The following RARB variants were observed in gnomAD, a reference collection of about 807,000 sequenced individuals.
RARB encodes HBV-activated protein.
A neutral mutation model predicts 51.9 loss-of-function variants in RARB; 17 were observed. That is an observed-to-expected ratio of 0.33 (90% CI 0.22 to 0.49). The LOEUF (loss-of-function observed/expected upper bound fraction) is 0.49, where lower values mean the gene tolerates loss of function less well. Ranked by LOEUF, RARB falls within the 20% of genes least tolerant of loss-of-function variation. The probability of loss-of-function intolerance (pLI) is 0.99; values close to 1 mark genes in which losing one functional copy is unlikely to be tolerated. For missense variants in RARB, 369 were observed against 550.8 expected (o/e 0.67, Z 3.30); for synonymous variants, 215 against 195.4 (o/e 1.10, Z -0.84).
At chr3:25,136,547 G>T (rs1210518791) in intron 4 of RARB, among the ~76,000 whole-genome samples, 1 of 152,016 alleles carries the variant, frequency 6.6e-6, no homozygotes, top group East Asian at 1.9e-4. Context: ...ATGACTAGAT[G>T]AATAACTTCA....
At chr3:25,200,461 T>C (rs1029741940) in intron 5 of RARB, among the ~76,000 whole-genome samples, 7 of 152,196 alleles carry the variant, frequency 4.6e-5, no homozygotes, top group African/African-American at 1.4e-4. Flanking sequence ...ATCCCATTTG[T>C]CAATTTTGGC....
At chr3:24,862,975 A>T (rs563152229) in intron 2 of RARB, among the ~76,000 whole-genome samples, 3 of 152,336 alleles carry the variant, frequency 2.0e-5, no homozygotes, top group Admixed American at 1.3e-4. Flanking sequence ...TTGAAGTACC[A>T]GGAGGACTTG....
chr3:25,226,254 A>G (rs1210285366), intron 5 of RARB, among the ~76,000 whole-genome samples: 3 of 152,214 alleles, frequency 2.0e-5, no homozygotes, highest in Non-Finnish European at 2.9e-5. Flanking sequence ...TCAATATTAC[A>G]GTATTGAAGT....
chr3:24,888,161 C>G (rs1476504798), intron 2 of RARB, among the ~76,000 whole-genome samples: 1 of 152,118 alleles, frequency 6.6e-6, no homozygotes, highest in Non-Finnish European at 1.5e-5. Context: ...TTTCACATAT[C>G]CTGAAACCCA....
chr3:25,210,026 T>C (rs187377436), intron 5 of RARB, among the ~76,000 whole-genome samples: 1 of 152,200 alleles, frequency 6.6e-6, no homozygotes, highest in African/African-American at 2.4e-5. Context: ...CCACAAGACA[T>C]TCTCAGGTGT....
At chr3:24,896,110 A>G (rs1427840125) in intron 2 of RARB, among the ~76,000 whole-genome samples, 1 of 152,226 alleles carries the variant, frequency 6.6e-6, no homozygotes, top group African/African-American at 2.4e-5. Flanking sequence ...AGTCAGACCC[A>G]AAAGGAAAAT....
chr3:25,471,720 C>T (rs1695706722), intron 2 of RARB, among the ~76,000 whole-genome samples: 1 of 151,134 alleles, frequency 6.6e-6, no homozygotes, highest in Admixed American at 6.6e-5. Flanking sequence ...GCTTACTTTG[C>T]TTGTTGTTTG....
intron 3 of RARB, among the ~76,000 whole-genome samples, chr3:25,506,381 G>A (rs575658823): frequency 6.6e-6 from 1 of 152,226 alleles, no homozygotes; most frequent in East Asian, 1.9e-4. Context: ...GGAGATGGGA[G>A]GATCTCTTGA....
At chr3:25,590,414 G>C (rs1362516891) in intron 5 of RARB, among the ~76,000 whole-genome samples, 1 of 152,074 alleles carries the variant, frequency 6.6e-6, no homozygotes, top group African/African-American at 2.4e-5. Flanking sequence ...TTCATTTCTT[G>C]GCGGCATGTT....
At chr3:25,353,339 A>G (rs1349623382) in intron 5 of RARB, among the ~76,000 whole-genome samples, 1 of 152,184 alleles carries the variant, frequency 6.6e-6, no homozygotes. Context: ...GCCACGTAGT[A>G]GGGTGTCAGT....
chr3:25,025,396 A>G (rs1697725602), intron 2 of RARB, among the ~76,000 whole-genome samples: 1 of 152,188 alleles, frequency 6.6e-6, no homozygotes, highest in Non-Finnish European at 1.5e-5. Context: ...GTGTCAAACT[A>G]AACTGTATAG....
chr3:25,215,216 G>A (rs533652420), intron 5 of RARB, among the ~76,000 whole-genome samples: 1 of 152,266 alleles, frequency 6.6e-6, no homozygotes, highest in South Asian at 2.1e-4. Flanking sequence ...GGATTCCCAG[G>A]TGGTTCTCTG....
At chr3:25,433,090 T>TA (rs1309450976) in intron 1 of RARB, among the ~76,000 whole-genome samples, 3 of 152,240 alleles carry the variant, frequency 2.0e-5, no homozygotes, top group Non-Finnish European at 4.4e-5. Flanking sequence ...ATGGGAGTTT[T>TA]TGATGAAGGT....
At chr3:25,224,743 G>T (rs1208475108) in intron 5 of RARB, among the ~76,000 whole-genome samples, 1 of 152,022 alleles carries the variant, frequency 6.6e-6, no homozygotes, top group Non-Finnish European at 1.5e-5. Context: ...AAGTAGATGA[G>T]ACTACAGGTG....
intron 2 of RARB, among the ~76,000 whole-genome samples, chr3:24,973,278 T>C (rs1390963999): frequency 1.3e-5 from 2 of 152,110 alleles, no homozygotes; most frequent in Non-Finnish European, 2.9e-5. Flanking sequence ...AAAACTGAGT[T>C]GGCTGTAAAA....
chr3:25,104,783 A>G (rs1699466838), intron 3 of RARB, among the ~76,000 whole-genome samples: 1 of 152,240 alleles, frequency 6.6e-6, no homozygotes, highest in Non-Finnish European at 1.5e-5. Flanking sequence ...AGTGAGAATG[A>G]ACAATGTGTA....
chr3:25,138,278 G>A (rs1413391032), intron 4 of RARB, among the ~76,000 whole-genome samples: 2 of 151,162 alleles, frequency 1.3e-5, no homozygotes, highest in Admixed American at 6.6e-5. Flanking sequence ...CCAGTTAGCT[G>A]TTTATATTTT....
intron 2 of RARB, among the ~76,000 whole-genome samples, chr3:24,972,277 A>G (rs1334661518): frequency 6.6e-6 from 1 of 151,970 alleles, no homozygotes; most frequent in Non-Finnish European, 1.5e-5. Context: ...TTCACTTCAC[A>G]TAACTCCCAG....
chr3:24,961,474 A>T, intron 2 of RARB, among the ~76,000 whole-genome samples: 1 of 152,230 alleles, frequency 6.6e-6, no homozygotes, highest in East Asian at 1.9e-4. Context: ...TCTGTATCTG[A>T]GAGAGTTTGT....
Sources: allele counts gnomAD v4.1 joint callset (sites outside exome capture counted in the v4.1 genomes callset), GRCh38; gene constraint gnomAD v4.1.1; transcripts MANE v1.5; gene names NCBI Gene and HGNC (gene_info 2026-07-23, HGNC 2026-07-21).